INTU: variants seen among roughly 807,000 people sequenced by gnomAD.
The protein encoded by INTU is inturned planar cell polarity protein.
Under a neutral mutation model 100.5 loss-of-function variants are expected in INTU, and 68 were observed. That is an observed-to-expected ratio of 0.68 (90% CI 0.56 to 0.83). The LOEUF is 0.83. Among genes scored for constraint, INTU ranks in the 40% least tolerant of loss-of-function variants. The pLI, the probability that INTU is intolerant of heterozygous loss-of-function variation, is 0.00. For synonymous variants in INTU, 357 were observed against 395.7 expected (o/e 0.90, Z 1.16); for missense variants, 1,071 against 1,114.7 (o/e 0.96, Z 0.56).
intron 8 of INTU, among the ~76,000 whole-genome samples, chr4:127,691,278 G>T (rs1560867416): frequency 6.6e-6 from 1 of 152,082 alleles, no homozygotes; most frequent in Admixed American, 6.6e-5. Context: ...TTGCTCCCAT[G>T]TTTGGGCAAT....
At chr4:127,694,204 C>T (rs533232739) in intron 8 of INTU, among the ~76,000 whole-genome samples, 1 of 151,462 alleles carries the variant, frequency 6.6e-6, no homozygotes. Flanking sequence ...TGGTCCTGGA[C>T]TTTTTTTGTT....
At chr4:127,658,667 T>C (rs1365899297) in intron 3 of INTU, among the ~76,000 whole-genome samples, 1 of 152,194 alleles carries the variant, frequency 6.6e-6, no homozygotes, top group African/African-American at 2.4e-5. Flanking sequence ...TGAAAAGTTA[T>C]GTTTACAGCA....
At chr4:127,696,016 G>T (rs1730366105) in intron 8 of INTU, among the ~76,000 whole-genome samples, 1 of 152,066 alleles carries the variant, frequency 6.6e-6, no homozygotes, top group Non-Finnish European at 1.5e-5. Context: ...TGTCAAACCT[G>T]CCTTGCATAC....
In INTU at chr4:127,690,124, C is replaced by G. The variant is rs112886734; in HGVS notation, c.1449+2257C>G. Among the ~76,000 whole-genome samples the G allele has an allele frequency of 2.0e-5, 3 of 152,254 alleles. No homozygotes were observed. In the South Asian group the frequency reaches 6.2e-4, roughly 32 times the overall value. ...AGATACATTAAATATTATCTTCCCT[C>G]GAAGAAGTTTAAGATGTTCTAAAGT... On this transcript the variant is annotated intron_variant, in intron 8 of 15. Transcript: ENST00000335251.
rs757901702 is a variant in INTU at position 127,633,062 on chromosome 4, C to T, written c.28C>T (p.Arg10Cys). The T allele has an allele frequency of 6.2e-7, 1 of 1,613,712 alleles. No homozygotes were observed. Among genetic ancestry groups the T allele is most frequent in the Non-Finnish European group, 8.5e-7 (1 of 1,179,664 alleles). MASVASCDS[R>C]PSSDELPGDP... The stretch of plus-strand genomic sequence containing the variant: ...GGCCTCTGTGGCTTCGTGCGATTCG[C>T]GTCCGAGCTCAGACGAGCTCCCTGG... Residue 10 changes from arginine to cysteine, a missense_variant, in exon 1 of 16, where the codon CGT becomes TGT. Transcript: ENST00000335251.
Position 127,700,010 on chromosome 4 carries a change from A to G in INTU, c.1450A>G (p.Met484Val), listed in dbSNP as rs1211661821. The G allele has an allele frequency of 2.6e-6, 4 of 1,566,748 alleles. No homozygotes were observed. The African/African-American group carries it at 5.5e-5, about 22-fold the overall frequency. ...TACTCTTTTTTTTTTTTTAACATAG[A>G]TGGAATTAGACATGGCATTAAGTGA... ...RWLTLPLEIK[M>V]ELDMALSDLE... Residue 484 changes from methionine (M) to valine (V), a missense_variant and splice_region_variant, in exon 9 of 16, where the codon ATG becomes GTG. By Grantham distance (21) the Met-to-Val change is conservative (BLOSUM62 1). Coordinates refer to ENST00000335251, the MANE Select transcript of INTU (RefSeq NM_015693.4).
At chr4:127,691,980 A>ATATATATATGTGTG (rs971919620) in intron 8 of INTU, among the ~76,000 whole-genome samples, 1 of 143,358 alleles carries the variant, frequency 7.0e-6, no homozygotes, top group African/African-American at 2.6e-5. Flanking sequence ...ATATATATAT[A>ATATATATATGTGTG]TGTCACATTT....
At chr4:127,643,286 G>A (rs191006540) in intron 1 of INTU, among the ~76,000 whole-genome samples, 2 of 151,792 alleles carry the variant, frequency 1.3e-5, no homozygotes, top group Non-Finnish European at 2.9e-5. Context: ...ATGCCTTTTT[G>A]ATTCCTTCTC....
intron 2 of INTU, among the ~76,000 whole-genome samples, chr4:127,650,949 A>T (rs1727836192): frequency 6.6e-6 from 1 of 151,934 alleles, no homozygotes; most frequent in African/African-American, 2.4e-5. Flanking sequence ...TGTGGTTTTG[A>T]TTTGCATTTC....
chr4:127,691,104 A>G (rs1253992668), intron 8 of INTU, among the ~76,000 whole-genome samples: 1 of 152,100 alleles, frequency 6.6e-6, no homozygotes, highest in Non-Finnish European at 1.5e-5. Flanking sequence ...TTGTAATCAT[A>G]TGGTATGTAG....
chr4:127,705,891 G>A (rs1285503712), intron 11 of INTU, 79 bp downstream of exon 11: 1 of 1,051,450 alleles, frequency 9.5e-7, no homozygotes, highest in East Asian at 2.4e-5. Context: ...GTTGAGGGAT[G>A]CAGCGGTAGG....
chr4:127,639,031 A>C (rs1455505760), intron 1 of INTU, among the ~76,000 whole-genome samples: 1 of 152,146 alleles, frequency 6.6e-6, no homozygotes, highest in Non-Finnish European at 1.5e-5. Context: ...AGTTCCAAAG[A>C]TAGTACAGAC....
At chr4:127,650,617 T>G (rs1427112547) in intron 2 of INTU, among the ~76,000 whole-genome samples, 1 of 151,912 alleles carries the variant, frequency 6.6e-6, no homozygotes, top group Non-Finnish European at 1.5e-5. Flanking sequence ...ATCCAGTCTA[T>G]CATTGTTGGA....
At position 127,641,977 on chromosome 4, in the gene INTU, T is replaced by A. The variant is rs75174114; in HGVS notation, c.147-1544T>A. On this transcript the variant is annotated intron_variant, in intron 1 of 15. Transcript: ENST00000335251. The stretch of plus-strand genomic sequence containing the variant: ...AACTTACCAGGTTAAAAGGGTGAGA[T>A]AATAAGGCTGATACACTTTATTCAT... Among the ~76,000 whole-genome samples the A allele has an allele frequency of 5.8e-3, 888 of 152,264 alleles. 6 individuals are homozygous for A. Among genetic ancestry groups the A allele is most frequent in the Middle Eastern group, 0.017 (5 of 292 alleles).
Position 127,640,600 on chromosome 4 carries a change from T to C in INTU, c.147-2921T>C, listed in dbSNP as rs1374108467. ...ATATATATATATATATACATATACA[T>C]AAACACACATGTGTATATTGATGGT... is the stretch of plus-strand genomic sequence containing the variant. On this transcript the variant is annotated intron_variant, in intron 1 of 15. Coordinates refer to ENST00000335251, the MANE Select transcript of INTU (RefSeq NM_015693.4). 4.3e-5 allele frequency among the ~76,000 whole-genome samples: 5 copies of C among 115,742 alleles called. 1 individual carries two copies. The highest frequency in any genetic ancestry group is 8.8e-5 in the Non-Finnish European group (5 of 57,112). 75.9% of individuals were successfully genotyped at this position (115,742 alleles called of 152,430 possible). A position where few individuals can be genotyped will look rare whatever the true frequency, so the allele number is the denominator to read the frequency against.
intron 6 of INTU, chr4:127,675,992 C>A (rs544286418): frequency 6.8e-5 from 14 of 207,208 alleles, no homozygotes; most frequent in South Asian, 6.4e-4. Flanking sequence ...AATTTGTGGA[C>A]CTATTTTACC....
At chr4:127,703,789 C>G (rs1186619680) in intron 9 of INTU, among the ~76,000 whole-genome samples, 1 of 151,958 alleles carries the variant, frequency 6.6e-6, no homozygotes, top group Non-Finnish European at 1.5e-5. Flanking sequence ...CTGTAGATTT[C>G]TAGAAGTAGA....
chr4:127,691,784 A>T (rs773789045), intron 8 of INTU, among the ~76,000 whole-genome samples: 3 of 151,558 alleles, frequency 2.0e-5, no homozygotes, highest in Non-Finnish European at 4.4e-5. Context: ...CCAATGTATC[A>T]TTCTTATGCC....
chr4:127,655,313 T>G lies in INTU; in HGVS notation c.683-1323T>G, dbSNP rs533938775. Among the ~76,000 whole-genome samples, 299 of 152,286 alleles carry G rather than the reference T, an allele frequency of 2.0e-3. 1 individual carries two copies. The highest frequency in any genetic ancestry group is 7.0e-3 in the African/African-American group (289 of 41,528). ...GGAGAGGTGCTCTGCGTTTTAGAGT[T>G]TCTAGTTTTTCTGTTCTGTTTTTTC... On this transcript the variant is annotated intron_variant, in intron 2 of 15. Coordinates refer to ENST00000335251, the MANE Select transcript of INTU (RefSeq NM_015693.4).
Sources: allele counts gnomAD v4.1 joint callset (sites outside exome capture counted in the v4.1 genomes callset), GRCh38; gene constraint gnomAD v4.1.1; transcripts MANE v1.5; gene names NCBI Gene and HGNC (gene_info 2026-07-23, HGNC 2026-07-21).